The following UPP2 variants were observed in gnomAD, a reference collection of about 807,000 sequenced individuals.
The protein encoded by UPP2 is UPase 2.
In UPP2, 23 loss-of-function variants were observed where a neutral mutation model predicts 26.7. That is an observed-to-expected ratio of 0.86 (90% CI 0.62 to 1.22). The LOEUF (loss-of-function observed/expected upper bound fraction) is 1.22, where lower values mean the gene tolerates loss of function less well. UPP2 is among the 50% of genes most tolerant of loss of function. The pLI is 0.00. For synonymous variants in UPP2, 127 were observed against 141.3 expected (o/e 0.90, Z 0.72); for missense variants, 387 against 396.7 (o/e 0.98, Z 0.21).
At chr2:158,038,574 G>T (rs542497204) in intron 3 of UPP2, among the ~76,000 whole-genome samples, 3 of 152,314 alleles carry the variant, frequency 2.0e-5, no homozygotes, top group East Asian at 3.9e-4. Context: ...TCATATCTTA[G>T]CACTGCTATA....
chr2:158,102,669 C>T (rs1489281529), intron 1 of UPP2, among the ~76,000 whole-genome samples: 2 of 152,160 alleles, frequency 1.3e-5, no homozygotes, highest in African/African-American at 2.4e-5. Context: ...CCAGTTCCTG[C>T]CCCAGGTTAA....
intron 3 of UPP2, 29 bp downstream of exon 3, chr2:158,115,288 G>A (rs1444291647): frequency 6.4e-7 from 1 of 1,566,018 alleles, no homozygotes; most frequent in South Asian, 1.2e-5. Context: ...ATTTCAGCTA[G>A]TCATTGCAGG....
At chr2:158,070,010 G>A (rs557275782) in intron 3 of UPP2, among the ~76,000 whole-genome samples, 1 of 152,116 alleles carries the variant, frequency 6.6e-6, no homozygotes, top group South Asian at 2.1e-4. Context: ...CCCCCCAAAG[G>A]CCTCACCAAA....
At chr2:158,105,201 T>C (rs936009371) in intron 1 of UPP2, among the ~76,000 whole-genome samples, 2 of 152,090 alleles carry the variant, frequency 1.3e-5, no homozygotes, top group Non-Finnish European at 2.9e-5. Context: ...AACCGAAAGC[T>C]ACAAATGATA....
At chr2:158,012,385 A>G (rs1683595480) in intron 2 of UPP2, among the ~76,000 whole-genome samples, 1 of 144,596 alleles carries the variant, frequency 6.9e-6, no homozygotes, top group South Asian at 2.2e-4. Context: ...CTCCTGCCTC[A>G]GCTTCCCGAG....
In UPP2 at chr2:158,127,238, C is replaced by T. The variant is rs1683712966; in HGVS notation, c.811+3343C>T. Among the ~76,000 whole-genome samples, 3 of 152,232 alleles carry T rather than the reference C, an allele frequency of 2.0e-5. No homozygotes were observed. In the South Asian group the frequency reaches 6.2e-4, roughly 31 times the overall value. ...CACTCACAATGGTGTCATTCTATTT[C>T]ATTTATCTGCATCACATTTACCACT... On this transcript the variant is annotated intron_variant, in intron 6 of 6. Transcript: ENST00000005756.
chr2:158,003,116 G>A (rs1276844868), intron 2 of UPP2, among the ~76,000 whole-genome samples: 1 of 152,184 alleles, frequency 6.6e-6, no homozygotes, highest in African/African-American at 2.4e-5. Context: ...CAAGGGAGCT[G>A]TCTTTGTCAG....
intron 3 of UPP2, among the ~76,000 whole-genome samples, chr2:158,072,669 C>CAGAG (rs1019108719): frequency 6.8e-6 from 1 of 148,046 alleles, no homozygotes; most frequent in African/African-American, 2.6e-5. Context: ...GACAGACAGA[C>CAGAG]AGACAGACTC....
chr2:157,996,727 T>A (rs1049989561), intron 2 of UPP2, among the ~76,000 whole-genome samples: 5 of 152,144 alleles, frequency 3.3e-5, no homozygotes, highest in Non-Finnish European at 5.9e-5. Flanking sequence ...ATCCTAGGAT[T>A]GCTTTAGGGG....
intron 3 of UPP2, among the ~76,000 whole-genome samples, chr2:158,058,878 G>T (rs1027384955): frequency 1.2e-4 from 19 of 152,176 alleles, no homozygotes; most frequent in African/African-American, 4.6e-4. Context: ...AGAGGGAGAA[G>T]AGAGTTGCAG....
chr2:158,003,412 A>G (rs565394235), intron 2 of UPP2, among the ~76,000 whole-genome samples: 1 of 152,292 alleles, frequency 6.6e-6, no homozygotes, highest in East Asian at 1.9e-4. Context: ...AAATATACAT[A>G]TAGAAAGAGA....
At chr2:158,092,363 A>C (rs1430045532) in intron 3 of UPP2, among the ~76,000 whole-genome samples, 1 of 152,216 alleles carries the variant, frequency 6.6e-6, no homozygotes, top group Non-Finnish European at 1.5e-5. Flanking sequence ...GAAGAGACAG[A>C]TTACTTACTC....
chr2:158,132,844 A>C (rs554038174), intron 6 of UPP2, among the ~76,000 whole-genome samples: 1 of 152,324 alleles, frequency 6.6e-6, no homozygotes, highest in South Asian at 2.1e-4. Context: ...ACCTGCTAGA[A>C]TGGCCATAAT....
chr2:158,121,274 A>G, intron 4 of UPP2, 135 bp from the exon 5 acceptor site: 1 of 796,922 alleles, frequency 1.3e-6, no homozygotes, highest in South Asian at 1.7e-5. Flanking sequence ...GCATTTGGAA[A>G]AGAAAATAAT....
Position 158,103,225 on chromosome 2 carries a change from C to G in UPP2, c.62+1100C>G, listed in dbSNP as rs143421441. 2.0e-5 allele frequency among the ~76,000 whole-genome samples: 3 copies of G among 152,260 alleles called. No individual in the cohort carries two copies. In the East Asian group the frequency reaches 5.8e-4, roughly 29 times the overall value. ...TGGATGAGCCCAATGAAACAAGAAACTTCTATAGACAGTCCCCCAAATTTT... is the reference window on the plus strand; with the variant it reads ...TGGATGAGCCCAATGAAACAAGAAAGTTCTATAGACAGTCCCCCAAATTTT... On this transcript the variant is annotated intron_variant, in intron 1 of 6. Transcript: ENST00000005756.
rs1168719944 is a variant in UPP2 at position 158,135,644 on chromosome 2, A to G, written c.*754A>G. The G allele has an allele frequency of 1.3e-5, 2 of 152,206 alleles. No individual in the cohort carries two copies. Among genetic ancestry groups the G allele is most frequent in the African/African-American group, 4.8e-5 (2 of 41,464 alleles). The allele number at this position is 152,206 out of a possible 1,614,324, so 9.4% of individuals were successfully genotyped here. A position where few individuals can be genotyped will look rare whatever the true frequency, so the allele number is the denominator to read the frequency against. ...GCTGTATTTTTTATTCCATTTCAAT[A>G]TTAACCAAATAGGCTGAGAAATTCA... On this transcript the variant is annotated 3_prime_UTR_variant, in exon 7 of 7. Transcript: ENST00000005756.
At chr2:158,037,671 T>C (rs1275214588) in intron 3 of UPP2, among the ~76,000 whole-genome samples, 1 of 152,102 alleles carries the variant, frequency 6.6e-6, no homozygotes, top group African/African-American at 2.4e-5. Context: ...GTGTTCTGTG[T>C]GTGTGCCTGT....
intron 6 of UPP2, among the ~76,000 whole-genome samples, chr2:158,129,427 T>C (rs932845691): frequency 2.0e-5 from 3 of 152,044 alleles, no homozygotes; most frequent in African/African-American, 7.3e-5. Flanking sequence ...AAGCTGAGGA[T>C]GTGGACTTGC....
chr2:158,103,649 G>A (rs914307427), intron 1 of UPP2, among the ~76,000 whole-genome samples: 1 of 152,202 alleles, frequency 6.6e-6, no homozygotes, highest in Non-Finnish European at 1.5e-5. Context: ...AACAGAAAGT[G>A]TAATAGAATT....
Sources: allele counts gnomAD v4.1 joint callset (sites outside exome capture counted in the v4.1 genomes callset), GRCh38; gene constraint gnomAD v4.1.1; transcripts MANE v1.5; gene names NCBI Gene and HGNC (gene_info 2026-07-23, HGNC 2026-07-21).